Variants in LARP1B observed in about 807,000 individuals in gnomAD.
The protein encoded by LARP1B is la-related protein 1B.
A neutral mutation model predicts 114.2 loss-of-function variants in LARP1B; 76 were observed. That is an observed-to-expected ratio of 0.67 (90% CI 0.55 to 0.81). The LOEUF (loss-of-function observed/expected upper bound fraction) is 0.81, where lower values mean the gene tolerates loss of function less well. LARP1B is among the 30% of genes least tolerant of loss of function. The pLI is 0.00. For synonymous variants in LARP1B, 345 were observed against 348.0 expected (o/e 0.99, Z 0.10); for missense variants, 1,014 against 1,075.8 (o/e 0.94, Z 0.80).
At chr4:128,108,003 G>C in intron 9 of LARP1B, 1 of 1,527,792 alleles carries the variant, frequency 6.5e-7, no homozygotes, top group Non-Finnish European at 8.7e-7. Flanking sequence ...AAATGAAAGC[G>C]ATCAGACTGT....
chr4:128,098,064 A>G, intron 7 of LARP1B, 122 bp from the exon 8 acceptor site: 4 of 740,204 alleles, frequency 5.4e-6, no homozygotes, highest in Admixed American at 4.9e-5. Context: ...AGAGCTATAC[A>G]TATTGTTAAC....
At chr4:128,112,259 AATATTTTAAATAG>A (rs992671843) in intron 9 of LARP1B, among the ~76,000 whole-genome samples, 1 of 151,956 alleles carries the variant, frequency 6.6e-6, no homozygotes, top group Non-Finnish European at 1.5e-5. Flanking sequence ...AATTAATTTT[AATATTTTAAATAG>A]ATATTTTAAT....
intron 1 of LARP1B, among the ~76,000 whole-genome samples, chr4:128,064,068 T>TC (rs918575444): frequency 2.9e-4 from 44 of 152,056 alleles, no homozygotes; most frequent in African/African-American, 1.0e-3. Flanking sequence ...GGTCAGGAGT[T>TC]CGAGATCAGC....
intron 5 of LARP1B, among the ~76,000 whole-genome samples, chr4:128,083,159 A>G (rs1482442675): frequency 2.0e-5 from 3 of 152,240 alleles, no homozygotes; most frequent in Non-Finnish European, 4.4e-5. Flanking sequence ...ACAGGATCCC[A>G]AGGCAGAAGA....
chr4:128,091,599 ATTT>A (rs369786648), intron 7 of LARP1B, 87 bp downstream of exon 7: 280 of 841,988 alleles, frequency 3.3e-4, no homozygotes, highest in South Asian at 4.7e-4. Context: ...ATATGCTATA[ATTT>A]TTTTTTTTTT....
Position 128,166,930 on chromosome 4 carries a change from T to TTCTC in LARP1B, c.1648+4651_1648+4654dup, listed in dbSNP as rs56916317. 4.6e-3 allele frequency among the ~76,000 whole-genome samples: 474 copies of TTCTC among 103,042 alleles called. 3 individuals are homozygous for TTCTC. The highest frequency in any genetic ancestry group is 0.015 in the African/African-American group (403 of 27,144). The allele number at this position is 103,042 out of a possible 152,430, so 67.6% of individuals were successfully genotyped here. Reference sequence around the variant, plus strand: ...TTTTTAAAGGCTTAATTATATTCTATTCTCTCTCTCTCTCTCTCTCTCTCT... The same window carrying TTCTC: ...TTTTTAAAGGCTTAATTATATTCTATTCTCTCTCTCTCTCTCTCTCTCTCTCTCT... On this transcript the variant is annotated intron_variant, in intron 12 of 19. Transcript: ENST00000326639.
intron 17 of LARP1B, among the ~76,000 whole-genome samples, chr4:128,203,637 G>T (rs1561567095): frequency 6.6e-6 from 1 of 152,098 alleles, no homozygotes; most frequent in Non-Finnish European, 1.5e-5. Context: ...GCCTCCCAAA[G>T]TGCTAGGATT....
At chr4:128,098,060 A>G (rs1176809060) in intron 7 of LARP1B, 126 bp from the exon 8 acceptor site, 2 of 700,326 alleles carry the variant, frequency 2.9e-6, no homozygotes, top group Non-Finnish European at 4.8e-6. Flanking sequence ...TATTAGAGCT[A>G]TACATATTGT....
intron 8 of LARP1B, among the ~76,000 whole-genome samples, chr4:128,103,348 G>C (rs954110775): frequency 1.3e-5 from 2 of 151,894 alleles, no homozygotes; most frequent in African/African-American, 4.8e-5. Flanking sequence ...ACTCAAAAGG[G>C]TATATGGTTA....
chr4:128,160,749 A>G (rs928130289), intron 11 of LARP1B, among the ~76,000 whole-genome samples: 3 of 152,194 alleles, frequency 2.0e-5, no homozygotes, highest in Non-Finnish European at 4.4e-5. Flanking sequence ...TAGCCTGAAG[A>G]GCTTATTGAA....
chr4:128,108,498 G>C (rs10049564), intron 9 of LARP1B: 20 of 985,586 alleles, frequency 2.0e-5, no homozygotes, highest in African/African-American at 3.5e-5. Context: ...TGATACATCA[G>C]TATGAGAGGA....
intron 5 of LARP1B, among the ~76,000 whole-genome samples, chr4:128,085,961 G>C (rs1773310404): frequency 6.6e-6 from 1 of 150,444 alleles, no homozygotes; most frequent in African/African-American, 2.4e-5. Flanking sequence ...CCCATGTCTA[G>C]TGGAATTCCT....
intron 11 of LARP1B, chr4:128,122,841 A>G: frequency 9.5e-7 from 1 of 1,049,640 alleles, no homozygotes; most frequent in African/African-American, 1.7e-5. Flanking sequence ...GGTAAAATAG[A>G]GAACCAGAAT....
intron 8 of LARP1B, among the ~76,000 whole-genome samples, chr4:128,100,301 C>T (rs542419063): frequency 6.7e-6 from 1 of 150,068 alleles, no homozygotes; most frequent in Non-Finnish European, 1.5e-5. Flanking sequence ...GAGACAGAGT[C>T]TCTCTCTGTC....
chr4:128,202,371 T>G (rs1229689002), intron 17 of LARP1B, among the ~76,000 whole-genome samples: 1 of 152,238 alleles, frequency 6.6e-6, no homozygotes, highest in African/African-American at 2.4e-5. Context: ...AATACCAGAC[T>G]GCACTGAGCA....
chr4:128,189,290 A>C (rs1444813169), intron 15 of LARP1B, among the ~76,000 whole-genome samples: 10 of 17,678 alleles, frequency 5.7e-4, no homozygotes, highest in Non-Finnish European at 9.7e-4. Flanking sequence ...ACAGACTTTC[A>C]CTTGTTCTAT....
At chr4:128,135,466 G>A (rs192151875) in intron 11 of LARP1B, among the ~76,000 whole-genome samples, 12 of 152,264 alleles carry the variant, frequency 7.9e-5, no homozygotes, top group East Asian at 1.9e-4. Context: ...AGGTATTTGC[G>A]TGTCCATGTT....
intron 1 of LARP1B, among the ~76,000 whole-genome samples, chr4:128,071,075 C>A (rs545857127): frequency 4.6e-5 from 7 of 151,958 alleles, no homozygotes; most frequent in African/African-American, 1.4e-4. Context: ...GAGACAGAGT[C>A]TCGCTCTGTC....
At chr4:128,202,270 A>C (rs1226943038) in intron 17 of LARP1B, among the ~76,000 whole-genome samples, 3 of 152,190 alleles carry the variant, frequency 2.0e-5, no homozygotes, top group African/African-American at 7.2e-5. Flanking sequence ...TCCTAATCTC[A>C]TTGTTCTTAT....
Sources: allele counts gnomAD v4.1 joint callset (sites outside exome capture counted in the v4.1 genomes callset), GRCh38; gene constraint gnomAD v4.1.1; transcripts MANE v1.5; gene names NCBI Gene and HGNC (gene_info 2026-07-23, HGNC 2026-07-21).